The following HS6ST3 variants were observed in gnomAD, a reference collection of about 807,000 sequenced individuals.
HS6ST3 encodes heparan sulfate 6-O-sulfotransferase 3.
In HS6ST3, 12 loss-of-function variants were observed where a neutral mutation model predicts 36.7. That is an observed-to-expected ratio of 0.33 (90% CI 0.21 to 0.53). The LOEUF (loss-of-function observed/expected upper bound fraction) is 0.53, where lower values mean the gene tolerates loss of function less well. HS6ST3 is among the 20% of genes least tolerant of loss of function. HS6ST3 has a pLI of 0.95. For missense variants in HS6ST3, 584 were observed against 640.9 expected, an observed-to-expected ratio of 0.91 and a Z score of 0.96; for synonymous variants, 240 against 257.5, an observed-to-expected ratio of 0.93 and a Z score of 0.65.
chr13:96,615,257 C>T (rs758021718), intron 1 of HS6ST3, among the ~76,000 whole-genome samples: 235 of 152,210 alleles, frequency 1.5e-3, no homozygotes, highest in Non-Finnish European at 3.0e-3. Flanking sequence ...GTTGACTGAC[C>T]CTAGCAATAG....
At chr13:96,660,452 G>A (rs554772460) in intron 1 of HS6ST3, among the ~76,000 whole-genome samples, 1 of 152,222 alleles carries the variant, frequency 6.6e-6, no homozygotes, top group Admixed American at 6.5e-5. Context: ...AATAAATGGT[G>A]TTGGGAAAAC....
Position 96,506,921 on chromosome 13 carries a change from TA to T in HS6ST3, c.708-325567del, listed in dbSNP as rs543860914. 1.5e-4 allele frequency among the ~76,000 whole-genome samples: 23 copies of T among 152,248 alleles called. 1 individual carries two copies. In the South Asian group the frequency reaches 4.8e-3, roughly 32 times the overall value. On this transcript the variant is annotated intron_variant, in intron 1 of 1. Transcript: ENST00000376705. ...TAATTGTTAGAGCCTTGCTAAGACC[TA>T]ATGGAATGAACATGTTGTTTTCCAC...
chr13:96,144,519 C>A (rs2054046950), intron 1 of HS6ST3, among the ~76,000 whole-genome samples: 1 of 151,942 alleles, frequency 6.6e-6, no homozygotes, highest in Non-Finnish European at 1.5e-5. Flanking sequence ...GATCCAAGTT[C>A]TTTTTCAGGT....
intron 1 of HS6ST3, among the ~76,000 whole-genome samples, chr13:96,804,147 CA>C (rs113872118): frequency 0.17 from 22,209 of 128,346 alleles, 1,939 homozygotes; most frequent in African/African-American, 0.29. Flanking sequence ...CCTGTTTTGC[CA>C]AAAAAAAAAA....
At chr13:96,502,724 C>T (rs2056010294) in intron 1 of HS6ST3, among the ~76,000 whole-genome samples, 1 of 152,254 alleles carries the variant, frequency 6.6e-6, no homozygotes, top group Admixed American at 6.5e-5. Flanking sequence ...TGCACCATCT[C>T]TCATGTGCAG....
intron 1 of HS6ST3, among the ~76,000 whole-genome samples, chr13:96,126,929 CTTTG>C (rs2053954921): frequency 1.3e-5 from 2 of 152,094 alleles, no homozygotes; most frequent in South Asian, 4.2e-4. Flanking sequence ...AGTAGATGGC[CTTTG>C]TTTGCTGCTG....
intron 1 of HS6ST3, among the ~76,000 whole-genome samples, chr13:96,630,531 T>C (rs1284409384): frequency 6.6e-6 from 1 of 152,178 alleles, no homozygotes; most frequent in Non-Finnish European, 1.5e-5. Context: ...TGCAGGTGTT[T>C]ATCATTTACT....
chr13:96,256,320 G>T (rs1338990597), intron 1 of HS6ST3, among the ~76,000 whole-genome samples: 1 of 152,178 alleles, frequency 6.6e-6, no homozygotes, highest in African/African-American at 2.4e-5. Flanking sequence ...TGTGGCGAGG[G>T]TGGGAACTAC....
At chr13:96,662,117 C>A (rs142525020) in intron 1 of HS6ST3, among the ~76,000 whole-genome samples, 1 of 152,208 alleles carries the variant, frequency 6.6e-6, no homozygotes, top group African/African-American at 2.4e-5. Flanking sequence ...TGCTCTGAGT[C>A]TCTTGTGTCT....
chr13:96,285,552 T>G (rs889339510), intron 1 of HS6ST3, among the ~76,000 whole-genome samples: 1 of 152,178 alleles, frequency 6.6e-6, no homozygotes, highest in South Asian at 2.1e-4. Flanking sequence ...AAATTGGTGT[T>G]CTGAGGAATA....
At chr13:96,569,698 A>G (rs2056294300) in intron 1 of HS6ST3, among the ~76,000 whole-genome samples, 1 of 152,228 alleles carries the variant, frequency 6.6e-6, no homozygotes, top group Non-Finnish European at 1.5e-5. Context: ...AACCTTAGAA[A>G]TAGAAATGGT....
intron 1 of HS6ST3, among the ~76,000 whole-genome samples, chr13:96,703,644 C>T (rs1339743161): frequency 4.6e-5 from 7 of 152,166 alleles, no homozygotes; most frequent in Non-Finnish European, 1.0e-4. Flanking sequence ...TTATTTATTT[C>T]ACTGCTGGGG....
chr13:96,150,357 G>A (rs1288375984), intron 1 of HS6ST3, among the ~76,000 whole-genome samples: 1 of 152,066 alleles, frequency 6.6e-6, no homozygotes, highest in Admixed American at 6.6e-5. Context: ...GTAAGCCAGG[G>A]ATAGAAGTTC....
intron 1 of HS6ST3, among the ~76,000 whole-genome samples, chr13:96,792,903 T>C (rs1877825002): frequency 6.6e-6 from 1 of 152,084 alleles, no homozygotes; most frequent in Non-Finnish European, 1.5e-5. Context: ...GGTTTATACC[T>C]GGGAAACATT....
At chr13:96,713,276 G>T (rs1219766693) in intron 1 of HS6ST3, among the ~76,000 whole-genome samples, 1 of 152,132 alleles carries the variant, frequency 6.6e-6, no homozygotes, top group African/African-American at 2.4e-5. Flanking sequence ...TGATCAAAGA[G>T]AACTAAACTG....
At chr13:96,153,609 T>C (rs1417130469) in intron 1 of HS6ST3, among the ~76,000 whole-genome samples, 1 of 152,232 alleles carries the variant, frequency 6.6e-6, no homozygotes, top group East Asian at 1.9e-4. Context: ...TCTCATGTTC[T>C]ATATGCAAAT....
chr13:96,474,852 AG>A (rs1447791163), intron 1 of HS6ST3, among the ~76,000 whole-genome samples: 9 of 152,210 alleles, frequency 5.9e-5, no homozygotes, highest in Non-Finnish European at 1.0e-4. Flanking sequence ...TTAAATTTTC[AG>A]ATAAGAAACT....
At chr13:96,552,737 A>G (rs967813902) in intron 1 of HS6ST3, among the ~76,000 whole-genome samples, 1 of 152,180 alleles carries the variant, frequency 6.6e-6, no homozygotes, top group African/African-American at 2.4e-5. Context: ...TTCAGCAGGT[A>G]GGGGACACCT....
chr13:96,112,100 A>G (rs1298383717), intron 1 of HS6ST3, among the ~76,000 whole-genome samples: 1 of 152,206 alleles, frequency 6.6e-6, no homozygotes, highest in Non-Finnish European at 1.5e-5. Context: ...CTCGAAGTAT[A>G]CATAAATAGG....
Sources: gnomAD v4.1 joint callset for allele counts (sites outside exome capture counted in the v4.1 genomes callset) on GRCh38, gnomAD v4.1.1 for gene constraint, MANE v1.5 for transcripts, NCBI Gene and HGNC (gene_info 2026-07-23, HGNC 2026-07-21) for gene names.